VPS13C: variants seen among roughly 807,000 people sequenced by gnomAD.
VPS13C encodes intermembrane lipid transfer protein VPS13C.
VPS13C carries 358 observed loss-of-function variants against 456.8 expected under a neutral mutation model. The ratio of observed to expected loss-of-function variants is 0.78; its 90% CI spans 0.72 to 0.86. VPS13C has a LOEUF of 0.86. Ranked by LOEUF, VPS13C falls within the 40% of genes least tolerant of loss-of-function variation. VPS13C has a pLI of 0.00. For synonymous variants in VPS13C, 1,578 were observed against 1,486.7 expected (o/e 1.06, Z -1.41); for missense variants, 4,818 against 4,385.4 (o/e 1.10, Z -2.79).
chr15:61,947,654 T>A (rs1279371351), intron 42 of VPS13C, among the ~76,000 whole-genome samples: 2 of 152,150 alleles, frequency 1.3e-5, no homozygotes, highest in African/African-American at 4.8e-5. Flanking sequence ...AAAGTTTTGA[T>A]TCTGAACTCC....
chr15:61,975,910 G>C (rs1336817015), intron 24 of VPS13C, among the ~76,000 whole-genome samples: 1 of 151,990 alleles, frequency 6.6e-6, no homozygotes, highest in African/African-American at 2.4e-5. Context: ...AATGGGGCAA[G>C]AAGTATTTAA....
intron 66 of VPS13C, among the ~76,000 whole-genome samples, chr15:61,903,609 C>A (rs777425977): frequency 1.4e-4 from 22 of 151,928 alleles, no homozygotes; most frequent in Non-Finnish European, 2.8e-4. Flanking sequence ...CAATGCAATC[C>A]CTATCAAAAT....
chr15:61,919,386 T>C lies in VPS13C; in HGVS notation c.7541A>G (p.Asn2514Ser). The C allele has an allele frequency of 6.2e-7, 1 of 1,603,790 alleles. No individual in the cohort carries two copies. Among genetic ancestry groups the C allele is most frequent in the Non-Finnish European group, 8.5e-7 (1 of 1,175,658 alleles). The change falls in exon 58 of 85, where the codon AAT becomes AGT. Residue 2514 changes from asparagine (N) to serine (S), a missense_variant. Physicochemically the swap from Asn to Ser is conservative, Grantham distance 46. Transcript: ENST00000644861. ...ATGACTGGCATTGGGATTCCGTACA[T>C]TATACAATCGCCGTCCAGGTCTGGC... is the stretch of plus-strand genomic sequence containing the variant. ...PVARPGRRLYNVRNPNASHSD... is the reference protein window; with the variant it reads ...PVARPGRRLYSVRNPNASHSD...
chr15:61,867,148 C>T lies in VPS13C; in HGVS notation c.10863+1511G>A. 1 of 983,522 alleles carries T rather than the reference C, an allele frequency of 1.0e-6. No individual in the cohort carries two copies. The highest frequency in any genetic ancestry group is 1.2e-6 in the Non-Finnish European group (1 of 828,238). 60.9% of individuals were successfully genotyped at this position (983,522 alleles called of 1,614,324 possible). A position where few individuals can be genotyped will look rare whatever the true frequency, so the allele number is the denominator to read the frequency against. On this transcript the variant is annotated intron_variant, in intron 81 of 84. Coordinates refer to ENST00000644861, the MANE Select transcript of VPS13C (RefSeq NM_020821.3). This position sits in a 1 kb window ranked among gnomAD's most constrained non-coding sequence, Gnocchi z 5.0. Reference sequence around the variant, plus strand: ...AAGAAATCTATGTATTCAAGTGCCACACAGCAATTTGCCTAATTACATGTT... The same window carrying T: ...AAGAAATCTATGTATTCAAGTGCCATACAGCAATTTGCCTAATTACATGTT...
chr15:61,899,880 C>T (rs1243210332), intron 66 of VPS13C, among the ~76,000 whole-genome samples: 9 of 151,800 alleles, frequency 5.9e-5, no homozygotes, highest in Admixed American at 6.6e-5. Context: ...ACTGGCAAAA[C>T]GAATCCAGCA....
In VPS13C at chr15:61,922,715, C is replaced by T. The variant is rs764822263; in HGVS notation, c.6657G>A (p.Leu2219=). 3.7e-6 allele frequency: 6 copies of T among 1,613,084 alleles called. No homozygotes were observed. The Admixed American group carries it at 6.7e-5, about 18-fold the overall frequency. Residue 2219 remains leucine, a synonymous_variant, in exon 54 of 85, where the codon TTG becomes TTA. Coordinates refer to ENST00000644861, the MANE Select transcript of VPS13C (RefSeq NM_020821.3). ...ATCCATCTTCTTTTGTTTTTGGAGA[C>T]AATGCAGCCATGATTGTCAACACAG... ...LNTVLTIMAA[L]SPKTKEDGSK...
Position 61,878,710 on chromosome 15 carries a change from C to T in VPS13C, c.10039G>A (p.Glu3347Lys), listed in dbSNP as rs559514846. ...LSLSLGSGGEESDKEKQEMFA... is the reference protein window; with the variant it reads ...LSLSLGSGGEKSDKEKQEMFA... Reference sequence around the variant, plus strand: ...ATTTCCTGTTTTTCTTTGTCTGATTCTTCACCTCCGGAACCCAAAGACAAA... The same window carrying T: ...ATTTCCTGTTTTTCTTTGTCTGATTTTTCACCTCCGGAACCCAAAGACAAA... Residue 3347 changes from glutamate to lysine, a missense_variant, in exon 74 of 85, where the codon GAA (glutamate) becomes AAA (lysine). This residue lies in a region of VPS13C where 4,552 missense variants were observed against 4,130.6 expected (regional missense o/e 1.10). Transcript: ENST00000644861. 6.2e-7 allele frequency: 1 copy of T among 1,610,468 alleles called. No individual in the cohort carries two copies. Among genetic ancestry groups the T allele is most frequent in the East Asian group, 2.2e-5 (1 of 44,702 alleles).
intron 6 of VPS13C, among the ~76,000 whole-genome samples, chr15:62,024,469 T>C (rs888329929): frequency 2.0e-5 from 3 of 152,070 alleles, no homozygotes; most frequent in African/African-American, 7.2e-5. Flanking sequence ...TACCAATACC[T>C]GTCTTACTCA....
chr15:61,937,874 C>G (rs933438682), intron 47 of VPS13C, among the ~76,000 whole-genome samples: 1 of 152,310 alleles, frequency 6.6e-6, no homozygotes, highest in African/African-American at 2.4e-5. Flanking sequence ...TAAACCAGTA[C>G]TGTCTTTGAA....
chr15:61,978,850 A>AGTTAGGTTT, intron 22 of VPS13C, 101 bp from the exon 23 acceptor site: 2 of 1,194,170 alleles, frequency 1.7e-6, no homozygotes, highest in Non-Finnish European at 2.3e-6. Context: ...GTTAGTTAAA[A>AGTTAGGTTT]CCTAACAAAT....
chr15:62,023,615 A>T, intron 7 of VPS13C, 95 bp from the exon 8 acceptor site: 1 of 1,146,714 alleles, frequency 8.7e-7, no homozygotes, highest in Non-Finnish European at 1.2e-6. Context: ...TACTCAATGG[A>T]AATTACAGCC....
rs149710203 is a variant in VPS13C, at chr15:62,015,024, T to C, written c.685-1032A>G. 5.1e-3 allele frequency among the ~76,000 whole-genome samples: 769 copies of C among 152,188 alleles called. 10 individuals are homozygous for C. The highest frequency in any genetic ancestry group is 0.018 in the African/African-American group (743 of 41,540). On this transcript the variant is annotated intron_variant, in intron 9 of 84. Coordinates refer to ENST00000644861, the MANE Select transcript of VPS13C (RefSeq NM_020821.3). ...AAACAGCAGCAAACACTAAGGAAAC[T>C]ACCCATTCTTATGCAATAGTATACC...
intron 66 of VPS13C, among the ~76,000 whole-genome samples, chr15:61,895,077 G>A (rs2042766640): frequency 6.6e-6 from 1 of 151,950 alleles, no homozygotes; most frequent in African/African-American, 2.4e-5. Flanking sequence ...AATTTGTAAA[G>A]TATAAAAACA....
chr15:61,952,078 A>C, intron 38 of VPS13C, 98 bp from the exon 39 acceptor site: 2 of 1,375,690 alleles, frequency 1.5e-6, no homozygotes, highest in Non-Finnish European at 2.0e-6. Context: ...ATAAGGAAGA[A>C]ATTCACACAA....
chr15:61,932,401 C>G (rs2140228311), intron 49 of VPS13C, among the ~76,000 whole-genome samples: 1 of 152,190 alleles, frequency 6.6e-6, no homozygotes, highest in East Asian at 1.9e-4. Context: ...GAAAGAAATA[C>G]AGAGGCCTAA....
chr15:61,966,058 A>G, intron 30 of VPS13C, 25 bp downstream of exon 30: 1 of 1,577,898 alleles, frequency 6.3e-7, no homozygotes, highest in Non-Finnish European at 8.7e-7. Context: ...CAAACAGGAT[A>G]AATTCCTTTA....
intron 3 of VPS13C, among the ~76,000 whole-genome samples, chr15:62,035,717 G>C (rs1309482505): frequency 6.6e-6 from 1 of 151,992 alleles, no homozygotes; most frequent in Non-Finnish European, 1.5e-5. Context: ...ACTCAGACCA[G>C]TTATATTCCA....
Position 61,867,812 on chromosome 15 carries a change from A to C in VPS13C, c.10863+847T>G. The C allele has an allele frequency of 6.6e-7, 1 of 1,522,952 alleles. No individual in the cohort carries two copies. The highest frequency in any genetic ancestry group is 8.8e-7 in the Non-Finnish European group (1 of 1,136,882). The allele number at this position is 1,522,952 out of a possible 1,614,324, so 94.3% of individuals were successfully genotyped here. ...TATGAAAAGTTCAGATGGAGGTGAG[A>C]GTTTTAAAGAAAATTTCATTAAAAT... On this transcript the variant is annotated intron_variant, in intron 81 of 84. Transcript: ENST00000644861. This position sits in a 1 kb window ranked among gnomAD's most constrained non-coding sequence, Gnocchi z 5.0.
chr15:61,992,821 CACA>C (rs573887345), intron 16 of VPS13C, among the ~76,000 whole-genome samples: 174 of 152,088 alleles, frequency 1.1e-3, no homozygotes, highest in African/African-American at 3.5e-3. Flanking sequence ...AGCCCCACCA[CACA>C]ACAATTAAAT....
Sources: gnomAD v4.1 joint callset for allele counts (sites outside exome capture counted in the v4.1 genomes callset) on GRCh38, gnomAD v4.1.1 for gene constraint, gnomAD v4.1.1 regional missense constraint, Gnocchi (gnomAD v3.1) non-coding constraint, MANE v1.5 for transcripts, NCBI Gene and HGNC (gene_info 2026-07-23, HGNC 2026-07-21) for gene names.